The following STK3 variants were observed in gnomAD, a reference collection of about 807,000 sequenced individuals.
The protein encoded by STK3 is serine/threonine-protein kinase 3.
STK3 carries 41 observed loss-of-function variants against 58.0 expected under a neutral mutation model. That is an observed-to-expected ratio of 0.71 (90% CI 0.55 to 0.92). STK3 has a LOEUF of 0.92. STK3 is among the 40% of genes least tolerant of loss of function. The pLI is 0.00. For missense variants in STK3, 479 were observed against 602.7 expected (o/e 0.79, Z 2.15); for synonymous variants, 170 against 191.0 (o/e 0.89, Z 0.91).
At chr8:98,488,046 G>A (rs1200773259) in intron 10 of STK3, among the ~76,000 whole-genome samples, 2 of 152,190 alleles carry the variant, frequency 1.3e-5, no homozygotes, top group Non-Finnish European at 2.9e-5. Context: ...ACATTAAGCT[G>A]GCACTGAATC....
At chr8:98,424,840 T>C (rs1472376445) in intron 3 of STK3, among the ~76,000 whole-genome samples, 1 of 152,082 alleles carries the variant, frequency 6.6e-6, no homozygotes, top group Non-Finnish European at 1.5e-5. Context: ...TGGGAGCGGC[T>C]GGGAATGGCG....
At chr8:98,519,075 A>G (rs1825160690) in intron 10 of STK3, among the ~76,000 whole-genome samples, 1 of 152,138 alleles carries the variant, frequency 6.6e-6, no homozygotes, top group Non-Finnish European at 1.5e-5. Context: ...TCATTTAATT[A>G]ATGCAAAGGT....
chr8:98,821,718 A>C (rs1407798136), intron 1 of STK3, among the ~76,000 whole-genome samples: 1 of 152,078 alleles, frequency 6.6e-6, no homozygotes, highest in Non-Finnish European at 1.5e-5. Context: ...CTCAGTGACA[A>C]GTATGTTAAC....
At chr8:98,449,243 T>C (rs1434489795) in intron 1 of STK3, among the ~76,000 whole-genome samples, 1 of 152,190 alleles carries the variant, frequency 6.6e-6, no homozygotes, top group African/African-American at 2.4e-5. Flanking sequence ...CCTTGATACA[T>C]ATTGCCATAT....
chr8:98,741,894 G>T (rs1829243442), intron 4 of STK3, among the ~76,000 whole-genome samples: 2 of 152,052 alleles, frequency 1.3e-5, no homozygotes, highest in African/African-American at 4.8e-5. Flanking sequence ...AATGATAAAG[G>T]GGATATCACG....
chr8:98,737,999 C>T lies in STK3; in HGVS notation c.351+11277G>A, dbSNP rs148221215. 2.6e-5 allele frequency among the ~76,000 whole-genome samples: 4 copies of T among 152,208 alleles called. No homozygotes were observed. In the East Asian group the frequency reaches 5.8e-4, roughly 22 times the overall value. ...TGCCAGGATTACAGGCGTGAGCCAC[C>T]GCACCCGGCCGAATGATTTTCAAGA... On this transcript the variant is annotated intron_variant, in intron 4 of 10. Coordinates refer to ENST00000419617, the MANE Select transcript of STK3 (RefSeq NM_006281.4).
chr8:98,454,134 C>G (rs995010336), downstream of STK3, among the ~76,000 whole-genome samples: 1 of 152,088 alleles, frequency 6.6e-6, no homozygotes, highest in South Asian at 2.1e-4. Flanking sequence ...GGTACAAATA[C>G]CATTTTTAAA....
chr8:98,664,253 G>A (rs1456317269), intron 6 of STK3, among the ~76,000 whole-genome samples: 1 of 152,044 alleles, frequency 6.6e-6, no homozygotes, highest in Non-Finnish European at 1.5e-5. Context: ...AAAGTCCTAT[G>A]AAAATTTAAC....
At chr8:98,359,892 T>G in the STK3 span, among the ~76,000 whole-genome samples, 1 of 152,058 alleles carries the variant, frequency 6.6e-6, no homozygotes, top group East Asian at 1.9e-4. Flanking sequence ...ATGTTTCCAG[T>G]GGCATGGGAA....
At chr8:98,473,960 T>C (rs544618820) in intron 10 of STK3, among the ~76,000 whole-genome samples, 58 of 152,318 alleles carry the variant, frequency 3.8e-4, no homozygotes, top group African/African-American at 1.3e-3. Context: ...AGCAATTCTA[T>C]TAGATGTCTC....
intron 3 of STK3, among the ~76,000 whole-genome samples, chr8:98,402,185 C>G (rs540381238): frequency 1.3e-5 from 2 of 152,284 alleles, no homozygotes; most frequent in South Asian, 4.1e-4. Context: ...ACATCATTAT[C>G]TTCTTTTTCC....
intron 1 of STK3, among the ~76,000 whole-genome samples, chr8:98,907,248 T>G (rs1431866887): frequency 6.6e-6 from 1 of 152,082 alleles, no homozygotes; most frequent in Non-Finnish European, 1.5e-5. Flanking sequence ...GTGCGGTGGC[T>G]TATGGCTGTA....
chr8:98,579,786 G>A lies in STK3; in HGVS notation c.826C>T (p.Pro276Ser), dbSNP rs547118456. 1 of 1,566,558 alleles carries A rather than the reference G, an allele frequency of 6.4e-7. No individual in the cohort carries two copies. Among genetic ancestry groups the A allele is most frequent in the Non-Finnish European group, 8.6e-7 (1 of 1,165,918 alleles). ...ACAGGTTTGGCATTCTTGATAAAAGGATGCTAAAAAAGTAAAATTCAATGG... is the reference window on the plus strand; with the variant it reads ...ACAGGTTTGGCATTCTTGATAAAAGAATGCTAAAAAAGTAAAATTCAATGG... ...RATATQLLQH[P>S]FIKNAKPVSI... The change falls in exon 8 of 11, where the codon CCT becomes TCT. Residue 276 changes from proline to serine, a missense_variant. Physicochemically the swap from Pro to Ser is moderately conservative, Grantham distance 74. Transcript: ENST00000419617.
At chr8:98,448,787 CAT>C (rs1819066412) in intron 1 of STK3, among the ~76,000 whole-genome samples, 2 of 152,154 alleles carry the variant, frequency 1.3e-5, no homozygotes, top group South Asian at 4.1e-4. Context: ...TGGGGTATGA[CAT>C]AGATTTGTAA....
intron 1 of STK3, among the ~76,000 whole-genome samples, chr8:98,888,590 G>A (rs1229087172): frequency 1.5e-4 from 23 of 152,178 alleles, no homozygotes; most frequent in Admixed American, 1.5e-3. Context: ...ACAAAGTGGG[G>A]TTGCTCTGGT....
chr8:98,696,677 T>C (rs569931884), intron 6 of STK3, among the ~76,000 whole-genome samples: 1 of 152,356 alleles, frequency 6.6e-6, no homozygotes, highest in Non-Finnish European at 1.5e-5. Context: ...TTGCATATAT[T>C]GAACCAGTCT....
chr8:98,360,843 C>T, the STK3 span, among the ~76,000 whole-genome samples: 3 of 152,164 alleles, frequency 2.0e-5, no homozygotes, highest in Admixed American at 6.5e-5. Context: ...TGGGCTGAGG[C>T]TATGTGATTA....
At chr8:98,549,669 C>T (rs1186260185) in intron 8 of STK3, among the ~76,000 whole-genome samples, 1 of 151,986 alleles carries the variant, frequency 6.6e-6, no homozygotes, top group East Asian at 1.9e-4. Context: ...AATAAAAGTA[C>T]AAATTAAAAG....
At chr8:98,695,746 G>C (rs527686476) in intron 6 of STK3, among the ~76,000 whole-genome samples, 136 of 152,242 alleles carry the variant, frequency 8.9e-4, no homozygotes, top group Non-Finnish European at 1.6e-3. Context: ...TTTGGTACCA[G>C]TACCATGCTG....
Sources: gnomAD v4.1 joint callset for allele counts (sites outside exome capture counted in the v4.1 genomes callset) on GRCh38, gnomAD v4.1.1 for gene constraint, MANE v1.5 for transcripts, NCBI Gene and HGNC (gene_info 2026-07-23, HGNC 2026-07-21) for gene names.